GAL3ST3: variants seen among roughly 807,000 people sequenced by gnomAD.
The protein encoded by GAL3ST3 is galactose-3-O-sulfotransferase 3.
Under a neutral mutation model 20.8 loss-of-function variants are expected in GAL3ST3, and 21 were observed. The observed-to-expected ratio is 1.01, with a 90% CI of 0.72 to 1.45. The LOEUF (loss-of-function observed/expected upper bound fraction) is 1.45, where lower values mean the gene tolerates loss of function less well. GAL3ST3 is among the 40% of genes most tolerant of loss of function. The pLI is 0.00. For synonymous variants in GAL3ST3, 355 were observed against 307.2 expected, an observed-to-expected ratio of 1.16 and a Z score of -1.63; for missense variants, 739 against 662.7, an observed-to-expected ratio of 1.12 and a Z score of -1.26.
intron 2 of GAL3ST3, among the ~76,000 whole-genome samples, chr11:66,044,660 G>C (rs1856760785): frequency 6.6e-6 from 1 of 152,194 alleles, no homozygotes; most frequent in Non-Finnish European, 1.5e-5. Flanking sequence ...CTAGGTTCAA[G>C]AAATACAGTA....
intron 1 of GAL3ST3, among the ~76,000 whole-genome samples, chr11:66,048,003 G>C (rs1299854149): frequency 6.6e-6 from 1 of 152,180 alleles, no homozygotes; most frequent in Non-Finnish European, 1.5e-5. Context: ...ATGGGGCCAA[G>C]GCAGTGCCTC....
rs370671120 is a variant in GAL3ST3, at chr11:66,043,053, C to T, written c.750G>A (p.Leu250=). The change falls in exon 3 of 3, where the codon CTG becomes CTA. Residue 250 remains leucine (L), a synonymous_variant. Coordinates refer to ENST00000312006, the MANE Select transcript of GAL3ST3 (RefSeq NM_033036.3). ...GGTCCCAGGCCAGTAGGCGCCGCAG[C>T]AGCACTAGCGACTCGTCGAAGTACT... The part of the protein sequence containing the change: ...IAEYFDESLV[L]LRRLLAWDLD... The T allele has an allele frequency of 1.9e-6, 3 of 1,611,196 alleles. No homozygotes were observed. The African/African-American group carries it at 4.0e-5, about 22-fold the overall frequency.
rs1856712418 is a variant in GAL3ST3 at position 66,042,252 on chromosome 11, T to C, written c.*255A>G. ...TTCTGGACAGCCCTCAGGCCTCTTG[T>C]CAAAATCACCAACCAGCTGGGAAGG... is the stretch of plus-strand genomic sequence containing the variant. On this transcript the variant is annotated 3_prime_UTR_variant, in exon 3 of 3. Transcript: ENST00000312006. 1 of 457,464 alleles carries C rather than the reference T, an allele frequency of 2.2e-6. No homozygotes were observed. Among genetic ancestry groups the C allele is most frequent in the African/African-American group, 2.1e-5 (1 of 48,462 alleles). The allele number at this position is 457,464 out of a possible 1,614,324, so 28.3% of individuals were successfully genotyped here. A position where few individuals can be genotyped will look rare whatever the true frequency, so the allele number is the denominator to read the frequency against.
rs1380481041 is a variant in GAL3ST3 at position 66,040,847 on chromosome 11, C to T, written c.*1660G>A. Among the ~76,000 whole-genome samples, 3 of 152,154 alleles carry T rather than the reference C, an allele frequency of 2.0e-5. No homozygotes were observed. In the East Asian group the frequency reaches 5.8e-4, roughly 29 times the overall value. ...ATTCTAATTATTGCCTTTTTCAGAG[C>T]TCTGCTGGTAAAAAGTGGGGTGCCA... On this transcript the variant is annotated 3_prime_UTR_variant, in exon 3 of 3. Coordinates refer to ENST00000312006, the MANE Select transcript of GAL3ST3 (RefSeq NM_033036.3).
rs758325208 is a variant in GAL3ST3 at position 66,043,633 on chromosome 11, G to A, written c.170C>T (p.Ser57Leu). The A allele has an allele frequency of 1.1e-5, 18 of 1,611,752 alleles. No homozygotes were observed. Among genetic ancestry groups the A allele is most frequent in the East Asian group, 2.2e-5 (1 of 44,806 alleles). The change falls in exon 3 of 3, where the codon TCG becomes TTG. Residue 57 changes from serine (S) to leucine (L), a missense_variant. Transcript: ENST00000312006. ...FPLSCPPLRN[S>L]PPRPKHMTVA... ...AGTCATGTGCTTGGGGCGCGGCGGC[G>A]AGTTCCGCAGAGGAGGGCAGCTCAA...
At position 66,042,436 on chromosome 11, in the gene GAL3ST3, C is replaced by T; in HGVS notation, c.*71G>A. On this transcript the variant is annotated 3_prime_UTR_variant, in exon 3 of 3. Transcript: ENST00000312006. ...AGAAAGGGCTCTCATGGGGGCAGGACATGGAGGCAGCCCCTGGCTGGACTC... is the reference window on the plus strand; with the variant it reads ...AGAAAGGGCTCTCATGGGGGCAGGATATGGAGGCAGCCCCTGGCTGGACTC... 1.6e-6 allele frequency: 2 copies of T among 1,224,722 alleles called. No homozygotes were observed. The highest frequency in any genetic ancestry group is 2.2e-6 in the Non-Finnish European group (2 of 919,698). 75.9% of individuals were successfully genotyped at this position (1,224,722 alleles called of 1,614,324 possible).
At position 66,042,391 on chromosome 11, in the gene GAL3ST3, G is replaced by A. The variant is rs1856714486; in HGVS notation, c.*116C>T. The stretch of plus-strand genomic sequence containing the variant: ...GGAGGCGTACCCCAAAGTTCAGCGA[G>A]GGACTCAAGCCCCTTGAAAAGAAAG... On this transcript the variant is annotated 3_prime_UTR_variant, in exon 3 of 3. Coordinates refer to ENST00000312006, the MANE Select transcript of GAL3ST3 (RefSeq NM_033036.3). The A allele has an allele frequency of 1.6e-5, 13 of 790,676 alleles. No individual in the cohort carries two copies. Among genetic ancestry groups the A allele is most frequent in the South Asian group, 1.5e-4 (7 of 46,544 alleles). 49.0% of individuals were successfully genotyped at this position (790,676 alleles called of 1,614,324 possible).
intron 2 of GAL3ST3, among the ~76,000 whole-genome samples, chr11:66,044,471 A>G (rs538648614): frequency 1.3e-5 from 2 of 152,328 alleles, no homozygotes; most frequent in South Asian, 2.1e-4. Flanking sequence ...GACGACTCAC[A>G]TGGTCACTAA....
At chr11:66,043,998 T>C (rs148709018) in intron 2 of GAL3ST3, among the ~76,000 whole-genome samples, 1 of 152,308 alleles carries the variant, frequency 6.6e-6, no homozygotes, top group African/African-American at 2.4e-5. Flanking sequence ...GGCTAGTATC[T>C]TGGTGTCTTT....
chr11:66,045,548 G>C, intron 1 of GAL3ST3, 21 bp from the exon 2 acceptor site: 1 of 967,836 alleles, frequency 1.0e-6, no homozygotes, highest in South Asian at 2.0e-5. Flanking sequence ...AAGGCAGACG[G>C]GTTTGCAGTG....
At chr11:66,048,669 C>G (rs1208175223) in intron 1 of GAL3ST3, among the ~76,000 whole-genome samples, 1 of 148,584 alleles carries the variant, frequency 6.7e-6, no homozygotes, top group Non-Finnish European at 1.5e-5. Context: ...CCTGGCCCCC[C>G]AGCCTCCTCT....
At position 66,040,850 on chromosome 11, in the gene GAL3ST3, T is replaced by C. The variant is rs1856694851; in HGVS notation, c.*1657A>G. ...CTAATTATTGCCTTTTTCAGAGCTC[T>C]GCTGGTAAAAAGTGGGGTGCCATAC... On this transcript the variant is annotated 3_prime_UTR_variant, in exon 3 of 3. Transcript: ENST00000312006. Among the ~76,000 whole-genome samples, 1 of 152,214 alleles carries C rather than the reference T, an allele frequency of 6.6e-6. No homozygotes were observed. Among genetic ancestry groups the C allele is most frequent in the Admixed American group, 6.5e-5 (1 of 15,276 alleles).
chr11:66,044,424 G>A (rs1253478810), intron 2 of GAL3ST3, among the ~76,000 whole-genome samples: 1 of 152,104 alleles, frequency 6.6e-6, no homozygotes, highest in African/African-American at 2.4e-5. Context: ...AGAAACTGAG[G>A]GCCAAAAGGA....
At position 66,043,508 on chromosome 11, in the gene GAL3ST3, G is replaced by A. The variant is rs1222015369; in HGVS notation, c.295C>T (p.Pro99Ser). The A allele has an allele frequency of 1.2e-6, 2 of 1,610,470 alleles. No individual in the cohort carries two copies. Among genetic ancestry groups the A allele is most frequent in the Admixed American group, 1.7e-5 (1 of 59,972 alleles). ...RHNLTVALPHPSCEHQFCYPR... is the reference protein window; with the variant it reads ...RHNLTVALPHSSCEHQFCYPR... Reference sequence around the variant, plus strand: ...TAGCAGAACTGGTGCTCGCAGCTCGGGTGCGGCAGGGCCACCGTCAGGTTG... The same window carrying A: ...TAGCAGAACTGGTGCTCGCAGCTCGAGTGCGGCAGGGCCACCGTCAGGTTG... The change falls in exon 3 of 3, where the codon CCG becomes TCG. Residue 99 changes from proline (P) to serine (S), a missense_variant. Coordinates refer to ENST00000312006, the MANE Select transcript of GAL3ST3 (RefSeq NM_033036.3).
At position 66,041,608 on chromosome 11, in the gene GAL3ST3, T is replaced by G. The variant is rs951694195; in HGVS notation, c.*899A>C. Among the ~76,000 whole-genome samples the G allele has an allele frequency of 6.6e-6, 1 of 152,226 alleles. No individual in the cohort carries two copies. The highest frequency in any genetic ancestry group is 1.5e-5 in the Non-Finnish European group (1 of 68,038). The stretch of plus-strand genomic sequence containing the variant: ...AACCCCTCCAGTCCTTCCTCTTTGC[T>G]TACCTGTCTTGCTCCTGTTCCAATG... On this transcript the variant is annotated 3_prime_UTR_variant, in exon 3 of 3. Transcript: ENST00000312006.
intron 2 of GAL3ST3, 94 bp from the exon 3 acceptor site, chr11:66,043,771 G>T: frequency 8.5e-7 from 1 of 1,174,868 alleles, no homozygotes; most frequent in Non-Finnish European, 1.2e-6. Context: ...GCCCCACAGC[G>T]CGGCCCCGCC....
At position 66,045,520 on chromosome 11, in the gene GAL3ST3, C is replaced by T. The variant is rs1856774247; in HGVS notation, c.-105G>A. 1.5e-6 allele frequency: 2 copies of T among 1,311,620 alleles called. No individual in the cohort carries two copies. Among genetic ancestry groups the T allele is most frequent in the East Asian group, 2.7e-5 (1 of 36,452 alleles). 81.2% of individuals were successfully genotyped at this position (1,311,620 alleles called of 1,614,324 possible). On this transcript the variant is annotated 5_prime_UTR_variant, in exon 2 of 3. Transcript: ENST00000312006. ...GCTCTGGTAGCAGGGCCAGTGTTCCCGAGAAGCCTGGCAGAAGAAGGCAGA... is the reference window on the plus strand; with the variant it reads ...GCTCTGGTAGCAGGGCCAGTGTTCCTGAGAAGCCTGGCAGAAGAAGGCAGA...
rs555496575 is a variant in GAL3ST3 at position 66,042,552 on chromosome 11, C to G, written c.1251G>C (p.Pro417=). The stretch of plus-strand genomic sequence containing the variant: ...GAGGCAGCACTCGGATGGGCCGAGG[C>G]GGGGGATTGTCCAGGACGGGCTCGG... The part of the protein sequence containing the change: ...ARPEPVLDNP[P]PRPIRVLPRG... Residue 417 remains proline (P), a synonymous_variant, in exon 3 of 3, where the codon CCG becomes CCC. Transcript: ENST00000312006. 8 of 1,492,760 alleles carry G rather than the reference C, an allele frequency of 5.4e-6. No homozygotes were observed. The African/African-American group carries it at 8.5e-5, about 16-fold the overall frequency. 92.5% of individuals were successfully genotyped at this position (1,492,760 alleles called of 1,614,324 possible).
rs1296326911 is a variant in GAL3ST3 at position 66,042,312 on chromosome 11, C to T, written c.*195G>A. ...CCCAGCGCTGGATCCAGCCTATCAGCGCCGTGCCCGAAGGCAAGGTTCAGC... is the reference window on the plus strand; with the variant it reads ...CCCAGCGCTGGATCCAGCCTATCAGTGCCGTGCCCGAAGGCAAGGTTCAGC... On this transcript the variant is annotated 3_prime_UTR_variant, in exon 3 of 3. Transcript: ENST00000312006. The T allele has an allele frequency of 2.4e-5, 13 of 532,840 alleles. No individual in the cohort carries two copies. The highest frequency in any genetic ancestry group is 3.2e-5 in the Non-Finnish European group (10 of 308,086). The allele number at this position is 532,840 out of a possible 1,614,324, so 33.0% of individuals were successfully genotyped here.
Sources: allele counts gnomAD v4.1 joint callset (sites outside exome capture counted in the v4.1 genomes callset), GRCh38; gene constraint gnomAD v4.1.1; transcripts MANE v1.5; gene names NCBI Gene and HGNC (gene_info 2026-07-23, HGNC 2026-07-21).